The following TSGA10 variants were observed in gnomAD, a reference collection of about 807,000 sequenced individuals.
TSGA10 encodes testis-specific gene 10 protein.
In TSGA10, 43 loss-of-function variants were observed where a neutral mutation model predicts 96.6. The ratio of observed to expected loss-of-function variants is 0.44; its 90% CI spans 0.35 to 0.57. The LOEUF (loss-of-function observed/expected upper bound fraction) is 0.57. Ranked by LOEUF, TSGA10 falls within the 20% of genes least tolerant of loss-of-function variation. The probability of loss-of-function intolerance (pLI) is 0.01; values close to 1 mark genes in which losing one functional copy is unlikely to be tolerated. For missense variants in TSGA10, 703 were observed against 834.4 expected, an observed-to-expected ratio of 0.84 and a Z score of 1.94; for synonymous variants, 229 against 269.9, an observed-to-expected ratio of 0.85 and a Z score of 1.48.
chr2:99,037,531 T>C (rs1297502859), intron 16 of TSGA10, among the ~76,000 whole-genome samples: 2 of 152,164 alleles, frequency 1.3e-5, no homozygotes, highest in African/African-American at 2.4e-5. Flanking sequence ...TGAGTGCATA[T>C]ATTAGAAAAG....
chr2:99,132,539 TTATC>T (rs2093141234), intron 1 of TSGA10, among the ~76,000 whole-genome samples: 1 of 152,152 alleles, frequency 6.6e-6, no homozygotes, highest in African/African-American at 2.4e-5. Flanking sequence ...TCTATTTTGT[TTATC>T]TATTCAAAAA....
chr2:99,123,769 G>A (rs2092694384), intron 2 of TSGA10, among the ~76,000 whole-genome samples: 1 of 152,134 alleles, frequency 6.6e-6, no homozygotes, highest in South Asian at 2.1e-4. Flanking sequence ...ATTGTACTTA[G>A]TATGTTTTTG....
chr2:99,121,443 C>A (rs151196545), intron 2 of TSGA10, among the ~76,000 whole-genome samples: 4 of 68 alleles, frequency 0.059, no homozygotes, highest in Non-Finnish European at 0.083. Context: ...TACCAGACAT[C>A]CTTCTGTGAA....
In TSGA10 at chr2:99,078,667, C is replaced by A. The variant is rs2087046286; in HGVS notation, c.874G>T (p.Ala292Ser). 3 of 1,611,720 alleles carry A rather than the reference C, an allele frequency of 1.9e-6. No homozygotes were observed. The highest frequency in any genetic ancestry group is 1.7e-5 in the Admixed American group (1 of 59,560). ...CAGTTCTCAGAACATACTTTCATTGCCAAACTCTCTCCAAGGGATGCAATA... is the reference window on the plus strand; with the variant it reads ...CAGTTCTCAGAACATACTTTCATTGACAAACTCTCTCCAAGGGATGCAATA... ...ENIASLGESL[A>S]MKEKTISGMK... is the part of the protein sequence containing the mutation. The change falls in exon 12 of 21, where the codon GCA becomes TCA. Residue 292 changes from alanine (A) to serine (S), a missense_variant. Physicochemically the swap from Ala to Ser is moderately conservative, Grantham distance 99. Coordinates refer to ENST00000393483, the MANE Select transcript of TSGA10 (RefSeq NM_025244.4).
At chr2:99,063,810 A>T (rs191049197) in intron 16 of TSGA10, among the ~76,000 whole-genome samples, 122 of 152,000 alleles carry the variant, frequency 8.0e-4, no homozygotes, top group African/African-American at 2.7e-3. Context: ...ATCTCAAAAA[A>T]ATATATATAT....
intron 10 of TSGA10, among the ~76,000 whole-genome samples, chr2:99,089,721 C>T (rs2089045272): frequency 6.6e-6 from 1 of 152,126 alleles, no homozygotes. Context: ...GACCTGGGAA[C>T]CACACTCCCA....
At chr2:99,009,207 A>G (rs2078781533) in intron 20 of TSGA10, among the ~76,000 whole-genome samples, 1 of 152,208 alleles carries the variant, frequency 6.6e-6, no homozygotes, top group African/African-American at 2.4e-5. Flanking sequence ...AATGAATACC[A>G]TGACCAAAAT....
At chr2:99,042,993 C>T (rs561842229) in intron 16 of TSGA10, among the ~76,000 whole-genome samples, 2 of 152,218 alleles carry the variant, frequency 1.3e-5, no homozygotes, top group African/African-American at 2.4e-5. Context: ...GGCCACCATG[C>T]CTGGCCCCAT....
At chr2:99,035,712 A>G (rs1386621163) in intron 16 of TSGA10, among the ~76,000 whole-genome samples, 2 of 151,930 alleles carry the variant, frequency 1.3e-5, no homozygotes, top group East Asian at 3.9e-4. Flanking sequence ...CCCACTTAAA[A>G]GTCTCCAGCC....
chr2:99,125,329 A>C (rs2092771842), intron 2 of TSGA10: 2 of 152,220 alleles, frequency 1.3e-5, no homozygotes, highest in African/African-American at 4.8e-5. Flanking sequence ...ATGCTGCTAT[A>C]AACATTCATA....
intron 1 of TSGA10, chr2:99,141,583 TAGA>T (rs1203149929): frequency 1.3e-5 from 1 of 78,746 alleles, no homozygotes; most frequent in Non-Finnish European, 3.5e-5. Context: ...ACGCAGCGCC[TAGA>T]CGCCCGAGCC....
At chr2:99,043,197 A>G (rs190370494) in intron 16 of TSGA10, among the ~76,000 whole-genome samples, 1 of 152,264 alleles carries the variant, frequency 6.6e-6, no homozygotes, top group Admixed American at 6.5e-5. Context: ...CATTTTTTTA[A>G]AAGAACAAAA....
intron 10 of TSGA10, chr2:99,102,503 C>T (rs1386093299): frequency 1.9e-6 from 3 of 1,613,914 alleles, no homozygotes; most frequent in Admixed American, 3.3e-5. Flanking sequence ...AGAAATGTGA[C>T]CCGGCTCCAT....
chr2:99,134,546 C>T lies in TSGA10; in HGVS notation c.-620-7370G>A, dbSNP rs577761111. On this transcript the variant is annotated intron_variant, in intron 1 of 20. Coordinates refer to ENST00000393483, the MANE Select transcript of TSGA10 (RefSeq NM_025244.4). ...AACATGCTCCTATAGCTCAGAGGAG[C>T]TTGTTATTACCCACCTTCTGAAGCC... Among the ~76,000 whole-genome samples the T allele has an allele frequency of 6.6e-5, 10 of 152,182 alleles. No individual in the cohort carries two copies. In the East Asian group the frequency reaches 1.4e-3, roughly 21 times the overall value.
At chr2:99,066,180 T>G (rs1166221614) in intron 15 of TSGA10, among the ~76,000 whole-genome samples, 1 of 152,230 alleles carries the variant, frequency 6.6e-6, no homozygotes, top group Non-Finnish European at 1.5e-5. Flanking sequence ...CTGGTGGAAA[T>G]TCAGCTAATA....
At chr2:99,078,960 A>C (rs987401468) in intron 11 of TSGA10, 147 bp from the exon 12 acceptor site, 12 of 652,958 alleles carry the variant, frequency 1.8e-5, no homozygotes, top group African/African-American at 1.7e-4. Context: ...TCCCAAATTA[A>C]AAAAATTTTT....
chr2:99,057,061 G>A (rs527422029), intron 16 of TSGA10, among the ~76,000 whole-genome samples: 22 of 150,784 alleles, frequency 1.5e-4, no homozygotes, highest in African/African-American at 5.4e-4. Flanking sequence ...AACAATAAAA[G>A]GGAATTTCTT....
At chr2:99,121,430 G>A (rs143370992) in intron 2 of TSGA10, among the ~76,000 whole-genome samples, 68 of 304 alleles carry the variant, frequency 0.22, no homozygotes, top group East Asian at 0.49. Flanking sequence ...TCTTTTTCTA[G>A]TATACCAGAC....
intron 18 of TSGA10, among the ~76,000 whole-genome samples, chr2:99,019,768 T>C (rs541022677): frequency 1.3e-5 from 2 of 152,284 alleles, no homozygotes; most frequent in African/African-American, 4.8e-5. Flanking sequence ...CAGCCAAATG[T>C]CTTTTAATAA....
Sources: allele counts gnomAD v4.1 joint callset (sites outside exome capture counted in the v4.1 genomes callset), GRCh38; gene constraint gnomAD v4.1.1; transcripts MANE v1.5; gene names NCBI Gene and HGNC (gene_info 2026-07-23, HGNC 2026-07-21).